The following NCKAP5 variants were observed in gnomAD, a reference collection of about 807,000 sequenced individuals.
NCKAP5 encodes the protein nck-associated protein 5.
NCKAP5 carries 92 observed loss-of-function variants against 167.0 expected under a neutral mutation model. The observed-to-expected ratio is 0.55, with a 90% CI of 0.47 to 0.66. The LOEUF (loss-of-function observed/expected upper bound fraction) is 0.66, where lower values mean the gene tolerates loss of function less well. Ranked by LOEUF, NCKAP5 falls within the 30% of genes least tolerant of loss-of-function variation. The pLI, the probability that NCKAP5 is intolerant of heterozygous loss-of-function variation, is 0.00. For synonymous variants in NCKAP5, 891 were observed against 877.4 expected (o/e 1.02, Z -0.27); for missense variants, 2,378 against 2,315.0 (o/e 1.03, Z -0.56).
intron 3 of NCKAP5, among the ~76,000 whole-genome samples, chr2:133,358,608 A>T (rs1355481876): frequency 6.6e-6 from 1 of 152,214 alleles, no homozygotes; most frequent in Non-Finnish European, 1.5e-5. Flanking sequence ...CACTGAGTAT[A>T]TAACATTATC....
At chr2:133,340,481 A>T (rs1683501090) in intron 3 of NCKAP5, among the ~76,000 whole-genome samples, 1 of 152,012 alleles carries the variant, frequency 6.6e-6, no homozygotes. Flanking sequence ...TTAAGACTTC[A>T]TTTTGCCTTA....
chr2:133,413,680 C>A (rs1052217083), intron 3 of NCKAP5, among the ~76,000 whole-genome samples: 2 of 152,144 alleles, frequency 1.3e-5, no homozygotes, highest in South Asian at 2.1e-4. Context: ...TTTCCAGCTT[C>A]TCTTGAGAAG....
At chr2:132,898,740 G>C (rs1166793900) in intron 8 of NCKAP5, among the ~76,000 whole-genome samples, 1 of 152,068 alleles carries the variant, frequency 6.6e-6, no homozygotes, top group East Asian at 1.9e-4. Flanking sequence ...ATTTGGAAAG[G>C]GATATTTTCT....
At chr2:133,095,937 G>A (rs959372135) in intron 6 of NCKAP5, among the ~76,000 whole-genome samples, 2 of 151,974 alleles carry the variant, frequency 1.3e-5, no homozygotes, top group East Asian at 1.9e-4. Flanking sequence ...TTGTACACAC[G>A]GTGGACACAT....
At chr2:132,914,156 T>C (rs961820034) in intron 8 of NCKAP5, among the ~76,000 whole-genome samples, 2 of 152,146 alleles carry the variant, frequency 1.3e-5, no homozygotes, top group African/African-American at 2.4e-5. Flanking sequence ...AAATAGCACA[T>C]CTATGTGAAT....
At chr2:133,103,750 AGCCTTG>A (rs1222758957) in intron 6 of NCKAP5, among the ~76,000 whole-genome samples, 1 of 152,212 alleles carries the variant, frequency 6.6e-6, no homozygotes, top group Non-Finnish European at 1.5e-5. Context: ...GCTGCACTCC[AGCCTTG>A]GCATCAGAGA....
intron 11 of NCKAP5, among the ~76,000 whole-genome samples, chr2:132,852,365 C>T (rs1689142977): frequency 6.6e-6 from 1 of 152,142 alleles, no homozygotes; most frequent in Non-Finnish European, 1.5e-5. Flanking sequence ...GGGTTTGAAC[C>T]TCTATTCAAT....
chr2:133,601,660 G>C, the NCKAP5 span, among the ~76,000 whole-genome samples: 1 of 152,296 alleles, frequency 6.6e-6, no homozygotes, highest in South Asian at 2.1e-4. Flanking sequence ...TTGAACCCTG[G>C]AGGCGGAGGT....
At chr2:133,121,407 A>C (rs551371483) in intron 6 of NCKAP5, among the ~76,000 whole-genome samples, 1 of 152,288 alleles carries the variant, frequency 6.6e-6, no homozygotes, top group African/African-American at 2.4e-5. Context: ...CTAATAGCTT[A>C]TTGGAAAAAG....
chr2:132,937,257 G>A (rs1696924725), intron 8 of NCKAP5, among the ~76,000 whole-genome samples: 1 of 152,164 alleles, frequency 6.6e-6, no homozygotes, highest in African/African-American at 2.4e-5. Context: ...GCATGGTAAA[G>A]GGATCTGAGG....
the NCKAP5 span, among the ~76,000 whole-genome samples, chr2:133,655,873 G>T: frequency 3.9e-5 from 6 of 152,148 alleles, no homozygotes; most frequent in Non-Finnish European, 7.4e-5. Flanking sequence ...AGCTTGTAGA[G>T]GCTCTGCCTG....
chr2:133,545,589 T>A (rs1391228210), intron 2 of NCKAP5, among the ~76,000 whole-genome samples: 1 of 152,154 alleles, frequency 6.6e-6, no homozygotes, highest in East Asian at 1.9e-4. Flanking sequence ...CGAATCTACC[T>A]CAGTGGTTAC....
At chr2:133,260,581 C>T (rs1194070016) in intron 4 of NCKAP5, among the ~76,000 whole-genome samples, 1 of 152,150 alleles carries the variant, frequency 6.6e-6, no homozygotes, top group African/African-American at 2.4e-5. Context: ...AATAAAAGTA[C>T]CATGCCAGAA....
chr2:132,970,176 A>T (rs1195775460), intron 7 of NCKAP5, among the ~76,000 whole-genome samples: 1 of 151,904 alleles, frequency 6.6e-6, no homozygotes, highest in African/African-American at 2.4e-5. Context: ...AGTATTTTTT[A>T]AAAAATCAAG....
At chr2:133,371,444 A>G (rs1685798208) in intron 3 of NCKAP5, among the ~76,000 whole-genome samples, 1 of 152,168 alleles carries the variant, frequency 6.6e-6, no homozygotes. Context: ...CCTTAATGCC[A>G]TGTGAAATAA....
intron 6 of NCKAP5, among the ~76,000 whole-genome samples, chr2:133,074,655 C>G (rs2080536592): frequency 6.6e-6 from 1 of 152,104 alleles, no homozygotes; most frequent in African/African-American, 2.4e-5. Context: ...AGCCACCATG[C>G]CTGACCCAAA....
chr2:133,068,157 A>C (rs936757193), intron 6 of NCKAP5, among the ~76,000 whole-genome samples: 72 of 152,156 alleles, frequency 4.7e-4, no homozygotes, highest in African/African-American at 9.6e-4. Context: ...ACAGATGCTC[A>C]TAAAATAACT....
the NCKAP5 span, among the ~76,000 whole-genome samples, chr2:133,601,249 A>C: frequency 6.6e-6 from 1 of 152,234 alleles, no homozygotes; most frequent in Non-Finnish European, 1.5e-5. Context: ...AATGAAACAC[A>C]AACAGCCTTG....
At chr2:133,666,586 T>A in the NCKAP5 span, among the ~76,000 whole-genome samples, 1 of 152,176 alleles carries the variant, frequency 6.6e-6, no homozygotes, top group African/African-American at 2.4e-5. Flanking sequence ...TTATTTTCAA[T>A]TTTTCACTAG....
Sources: allele counts gnomAD v4.1 joint callset (sites outside exome capture counted in the v4.1 genomes callset), GRCh38; gene constraint gnomAD v4.1.1; transcripts MANE v1.5; gene names NCBI Gene and HGNC (gene_info 2026-07-23, HGNC 2026-07-21).